The following SLC24A2 variants were observed in gnomAD, a reference collection of about 807,000 sequenced individuals.
SLC24A2 encodes the protein sodium/potassium/calcium exchanger 2.
A neutral mutation model predicts 62.0 loss-of-function variants in SLC24A2; 36 were observed. The observed-to-expected ratio is 0.58, with a 90% CI of 0.44 to 0.77. The LOEUF is 0.77. Ranked by LOEUF, SLC24A2 falls within the 30% of genes least tolerant of loss-of-function variation. SLC24A2 has a pLI of 0.00. For missense variants in SLC24A2, 846 were observed against 817.9 expected (o/e 1.03, Z -0.42); for synonymous variants, 358 against 294.0 (o/e 1.22, Z -2.23).
the SLC24A2 span, among the ~76,000 whole-genome samples, chr9:20,004,033 G>A: frequency 3.3e-5 from 5 of 152,062 alleles, no homozygotes; most frequent in African/African-American, 1.2e-4. Context: ...TAGGATTCTG[G>A]GTAATTTTCT....
At chr9:20,049,381 G>T in the SLC24A2 span, among the ~76,000 whole-genome samples, 1 of 152,162 alleles carries the variant, frequency 6.6e-6, no homozygotes, top group African/African-American at 2.4e-5. Flanking sequence ...TTTTCTTGGA[G>T]TATCTAGCTA....
intron 2 of SLC24A2, among the ~76,000 whole-genome samples, chr9:19,740,885 G>C (rs78796686): frequency 8.3e-6 from 1 of 120,908 alleles, no homozygotes; most frequent in Non-Finnish European, 1.8e-5. Context: ...AAAAAAAAAA[G>C]AGAGAGAGAA....
the SLC24A2 span, among the ~76,000 whole-genome samples, chr9:20,255,901 G>T: frequency 1.3e-5 from 2 of 152,178 alleles, no homozygotes; most frequent in Non-Finnish European, 2.9e-5. Flanking sequence ...CACTTGTGCT[G>T]CTATGGCAGA....
the SLC24A2 span, among the ~76,000 whole-genome samples, chr9:19,860,080 G>C: frequency 2.0e-5 from 3 of 152,128 alleles, no homozygotes; most frequent in African/African-American, 7.2e-5. Context: ...ACAATGGACT[G>C]GGGGAGCATG....
the SLC24A2 span, among the ~76,000 whole-genome samples, chr9:20,078,162 G>T: frequency 6.6e-6 from 1 of 152,114 alleles, no homozygotes; most frequent in Non-Finnish European, 1.5e-5. Context: ...GAGCACCAAC[G>T]CAGAGAATTC....
chr9:19,963,580 A>G, the SLC24A2 span, among the ~76,000 whole-genome samples: 1 of 152,268 alleles, frequency 6.6e-6, no homozygotes, highest in East Asian at 1.9e-4. Context: ...ACACTTCTCA[A>G]AAGAAGACAT....
chr9:19,730,222 T>C (rs1339860118), intron 2 of SLC24A2, among the ~76,000 whole-genome samples: 1 of 152,144 alleles, frequency 6.6e-6, no homozygotes, highest in Non-Finnish European at 1.5e-5. Flanking sequence ...AATGAGTCTT[T>C]GGAAAATATT....
At chr9:20,199,239 G>A in the SLC24A2 span, among the ~76,000 whole-genome samples, 1 of 152,170 alleles carries the variant, frequency 6.6e-6, no homozygotes. Flanking sequence ...CTTCATCTGT[G>A]AAACTCAGGC....
the SLC24A2 span, among the ~76,000 whole-genome samples, chr9:20,124,669 G>T: frequency 6.6e-5 from 10 of 152,074 alleles, no homozygotes; most frequent in Non-Finnish European, 1.5e-4. Flanking sequence ...TGGAAATCTG[G>T]TGCCCTATGC....
At chr9:20,279,056 T>A in the SLC24A2 span, among the ~76,000 whole-genome samples, 1 of 152,174 alleles carries the variant, frequency 6.6e-6, no homozygotes, top group Admixed American at 6.5e-5. Flanking sequence ...AAGCTGCTTA[T>A]AAAACCATCA....
chr9:20,280,500 G>C, the SLC24A2 span, among the ~76,000 whole-genome samples: 1 of 152,184 alleles, frequency 6.6e-6, no homozygotes, highest in Non-Finnish European at 1.5e-5. Flanking sequence ...CACCTCAGAA[G>C]TTGCCCTGAA....
chr9:20,263,861 G>GCT, the SLC24A2 span, among the ~76,000 whole-genome samples: 2 of 30,774 alleles, frequency 6.5e-5, no homozygotes, highest in Non-Finnish European at 6.8e-5. Context: ...TATCCCACCC[G>GCT]CCCCCCCCCC....
rs570493956 is a variant in SLC24A2, at chr9:19,560,404, G to C, written c.1348-10136C>G. On this transcript the variant is annotated intron_variant, in intron 7 of 10. Transcript: ENST00000341998. The stretch of plus-strand genomic sequence containing the variant: ...TGATTAAGGTTAAATGAGGTAATAA[G>C]GGTGGGGCCCTGATCCAATAGGATC... Among the ~76,000 whole-genome samples the C allele has an allele frequency of 4.6e-5, 7 of 151,246 alleles. No homozygotes were observed. In the East Asian group the frequency reaches 5.9e-4, roughly 13 times the overall value.
chr9:19,776,530 G>T (rs1448719154), intron 2 of SLC24A2, among the ~76,000 whole-genome samples: 1 of 152,160 alleles, frequency 6.6e-6, no homozygotes, highest in East Asian at 1.9e-4. Context: ...GCCCAGGATA[G>T]TTTTCCTTGT....
At chr9:19,561,501 C>T (rs1835400638) in intron 7 of SLC24A2, among the ~76,000 whole-genome samples, 1 of 137,522 alleles carries the variant, frequency 7.3e-6, no homozygotes. Context: ...GTGGTGTGAT[C>T]TCGGCTCACT....
the SLC24A2 span, among the ~76,000 whole-genome samples, chr9:19,874,177 T>A: frequency 2.0e-5 from 3 of 150,820 alleles, no homozygotes; most frequent in Admixed American, 6.7e-5. Flanking sequence ...TCTCCCAGGT[T>A]TAAGCAATTC....
the SLC24A2 span, among the ~76,000 whole-genome samples, chr9:19,836,980 C>T: frequency 1.3e-5 from 2 of 152,136 alleles, no homozygotes; most frequent in African/African-American, 2.4e-5. Context: ...ACAAAAACCA[C>T]ACGATTATCT....
At chr9:19,782,077 TTTAGATTGTGCCCTTCA>T (rs997363703) in intron 2 of SLC24A2, among the ~76,000 whole-genome samples, 1 of 152,242 alleles carries the variant, frequency 6.6e-6, no homozygotes, top group Non-Finnish European at 1.5e-5. Context: ...AGCATCTTTA[TTTAGATTGTGCCCTTCA>T]TTAGAACCAG....
At chr9:20,061,698 T>C in the SLC24A2 span, among the ~76,000 whole-genome samples, 1 of 152,114 alleles carries the variant, frequency 6.6e-6, no homozygotes, top group Non-Finnish European at 1.5e-5. Context: ...AAATGGATCA[T>C]CAATATCAAT....
Sources: allele counts gnomAD v4.1 joint callset (sites outside exome capture counted in the v4.1 genomes callset), GRCh38; gene constraint gnomAD v4.1.1; transcripts MANE v1.5; gene names NCBI Gene and HGNC (gene_info 2026-07-23, HGNC 2026-07-21).